ZSCAN25: variants seen among roughly 807,000 people sequenced by gnomAD.
The protein encoded by ZSCAN25 is zinc finger and SCAN domain containing 25, also known as zinc finger and SCAN domain-containing protein 25.
A neutral mutation model predicts 38.7 loss-of-function variants in ZSCAN25; 27 were observed. That is an observed-to-expected ratio of 0.70 (90% CI 0.51 to 0.96). The LOEUF (loss-of-function observed/expected upper bound fraction) is 0.96, where lower values mean the gene tolerates loss of function less well. Among genes scored for constraint, ZSCAN25 ranks in the 40% least tolerant of loss-of-function variants. The probability of loss-of-function intolerance (pLI) is 0.00; values close to 1 mark genes in which losing one functional copy is unlikely to be tolerated. For synonymous variants in ZSCAN25, 273 were observed against 277.7 expected, an observed-to-expected ratio of 0.98 and a Z score of 0.17; for missense variants, 637 against 705.9, an observed-to-expected ratio of 0.90 and a Z score of 1.11.
the ZSCAN25 span, among the ~76,000 whole-genome samples, chr7:99,729,791 C>T: frequency 2.6e-5 from 4 of 152,128 alleles, no homozygotes; most frequent in Non-Finnish European, 2.9e-5. Context: ...CACTGCTTAC[C>T]CCACTCCTAT....
intron 1 of ZSCAN25, among the ~76,000 whole-genome samples, chr7:99,617,931 A>T (rs935509835): frequency 6.6e-6 from 1 of 152,262 alleles, no homozygotes; most frequent in South Asian, 2.1e-4. Context: ...GAGTGAACCA[A>T]TGCAATAGCT....
the ZSCAN25 span, among the ~76,000 whole-genome samples, chr7:99,724,964 G>A: frequency 6.6e-6 from 1 of 152,036 alleles, no homozygotes; most frequent in Non-Finnish European, 1.5e-5. Flanking sequence ...ATCTCACACT[G>A]ACACCCACCA....
the ZSCAN25 span, among the ~76,000 whole-genome samples, chr7:99,653,450 CAAAT>C: frequency 9.1e-4 from 133 of 145,494 alleles, 1 homozygote; most frequent in Admixed American, 2.1e-3. This position sits in a 1 kb window ranked among gnomAD's most constrained non-coding sequence, Gnocchi z 4.2. Flanking sequence ...GACCCTGTCT[CAAAT>C]AAATAAATAA....
chr7:99,723,624 C>T, the ZSCAN25 span, among the ~76,000 whole-genome samples: 30 of 152,106 alleles, frequency 2.0e-4, no homozygotes, highest in African/African-American at 7.0e-4. Flanking sequence ...GAGTCCCATC[C>T]CCTGTCCTCG....
the ZSCAN25 span, chr7:99,730,943 A>C: frequency 2.2e-6 from 3 of 1,374,130 alleles, no homozygotes; most frequent in Non-Finnish European, 3.0e-6. Flanking sequence ...CCTACACGCT[A>C]TTTCTGAAAG....
At chr7:99,671,584 T>G in the ZSCAN25 span, 2 of 423,084 alleles carry the variant, frequency 4.7e-6, no homozygotes, top group East Asian at 7.6e-5. Context: ...ATGCAAATAT[T>G]AACACAAAAT....
intron 6 of ZSCAN25, 87 bp downstream of exon 6, chr7:99,622,727 C>G (rs968021095): frequency 1.6e-6 from 2 of 1,239,106 alleles, no homozygotes. Context: ...CAACAGTGTT[C>G]CCTTCCCGCC....
At chr7:99,671,719 T>C in the ZSCAN25 span, 4 of 667,190 alleles carry the variant, frequency 6.0e-6, no homozygotes, top group South Asian at 4.9e-5. Flanking sequence ...TAAAAGGAAA[T>C]ATTAATACAT....
chr7:99,701,369 G>A, the ZSCAN25 span, among the ~76,000 whole-genome samples: 1 of 152,190 alleles, frequency 6.6e-6, no homozygotes, highest in Non-Finnish European at 1.5e-5. Flanking sequence ...GGACATGTAG[G>A]TTGCTTCCAA....
At chr7:99,705,691 T>G in the ZSCAN25 span, 2 of 1,465,516 alleles carry the variant, frequency 1.4e-6, no homozygotes, top group South Asian at 2.3e-5. Flanking sequence ...CAATAATGCT[T>G]TGTAAACATA....
intron 4 of ZSCAN25, 116 bp downstream of exon 4, chr7:99,620,109 C>T (rs1014478408): frequency 8.0e-6 from 11 of 1,374,876 alleles, no homozygotes; most frequent in Non-Finnish European, 9.6e-6. Flanking sequence ...CCCTCCTCTG[C>T]CCTCAGACTC....
At chr7:99,627,632 A>G (rs769040574) in intron 7 of ZSCAN25, among the ~76,000 whole-genome samples, 2 of 152,004 alleles carry the variant, frequency 1.3e-5, no homozygotes, top group Non-Finnish European at 2.9e-5. Context: ...AGTCCAGACA[A>G]TGTGTTCCCG....
chr7:99,686,401 C>T, the ZSCAN25 span, among the ~76,000 whole-genome samples: 5 of 152,194 alleles, frequency 3.3e-5, no homozygotes, highest in Non-Finnish European at 5.9e-5. Context: ...TGGAGTCTCA[C>T]TAATTGCTAG....
the ZSCAN25 span, among the ~76,000 whole-genome samples, chr7:99,726,775 C>A: frequency 1.3e-5 from 2 of 152,184 alleles, no homozygotes; most frequent in African/African-American, 4.8e-5. Flanking sequence ...CAACAAGATA[C>A]CCTCCTGCTC....
chr7:99,657,049 T>C, the ZSCAN25 span, among the ~76,000 whole-genome samples: 1 of 152,136 alleles, frequency 6.6e-6, no homozygotes, highest in Non-Finnish European at 1.5e-5. Flanking sequence ...ATTCATTGAT[T>C]TTTTTGAAGG....
chr7:99,717,666 T>C, the ZSCAN25 span: 8 of 1,612,132 alleles, frequency 5.0e-6, no homozygotes, highest in East Asian at 1.8e-4. Context: ...AAAGATTTTG[T>C]CCTACATCAG....
At chr7:99,650,303 T>TA in the ZSCAN25 span, 1 of 1,485,154 alleles carries the variant, frequency 6.7e-7, no homozygotes, top group Non-Finnish European at 9.3e-7. Flanking sequence ...TAGGGGTTCT[T>TA]ACTTAAGAAC....
At chr7:99,651,431 G>A in the ZSCAN25 span, among the ~76,000 whole-genome samples, 1 of 152,208 alleles carries the variant, frequency 6.6e-6, no homozygotes, top group Non-Finnish European at 1.5e-5. Context: ...AGTACAGCGA[G>A]TGGTCTCTGA....
At chr7:99,712,164 C>T in the ZSCAN25 span, among the ~76,000 whole-genome samples, 8 of 152,124 alleles carry the variant, frequency 5.3e-5, 1 homozygote, top group South Asian at 1.0e-3. Context: ...ATTTAGAGAC[C>T]GGGAACACAG....
Sources: allele counts gnomAD v4.1 joint callset (sites outside exome capture counted in the v4.1 genomes callset), GRCh38; gene constraint gnomAD v4.1.1; non-coding constraint Gnocchi (gnomAD v3.1); transcripts MANE v1.5; gene names NCBI Gene and HGNC (gene_info 2026-07-23, HGNC 2026-07-21).